PLAGL1: variants seen among roughly 807,000 people sequenced by gnomAD.
PLAGL1 encodes the protein zinc finger protein PLAGL1.
A neutral mutation model predicts 4.6 loss-of-function variants in PLAGL1; 1 was observed. The ratio of observed to expected loss-of-function variants is 0.22; its 90% CI spans 0.08 to 1.03. The LOEUF is 1.03. Ranked by LOEUF, PLAGL1 falls within the 50% of genes least tolerant of loss-of-function variation. The probability of loss-of-function intolerance (pLI) is 0.58; values close to 1 mark genes in which losing one functional copy is unlikely to be tolerated. For synonymous variants in PLAGL1, 240 were observed against 237.8 expected (o/e 1.01, Z -0.08); for missense variants, 464 against 570.4 (o/e 0.81, Z 1.90).
At position 144,048,200 on chromosome 6, in the gene PLAGL1, C is replaced by G. The variant is rs764072828; in HGVS notation, c.-151+16268G>C. Among the ~76,000 whole-genome samples, 1 of 152,204 alleles carries G rather than the reference C, an allele frequency of 6.6e-6. No individual in the cohort carries two copies. The highest frequency in any genetic ancestry group is 1.5e-5 in the Non-Finnish European group (1 of 68,040). On this transcript the variant is annotated intron_variant, in intron 1 of 3. Coordinates refer to the PLAGL1 transcript ENST00000437412. The surrounding 1 kb of genome is among the most constrained non-coding windows in gnomAD (Gnocchi z 4.8). ...GCCTCTGTGGCTTTGCAGGGTACGG[C>G]CTCCCTCTTGGCTGCTTTCATGGGC...
chr6:144,044,759 T>C (rs1797999461), intron 1 of PLAGL1, among the ~76,000 whole-genome samples: 1 of 152,178 alleles, frequency 6.6e-6, no homozygotes, highest in Non-Finnish European at 1.5e-5. Flanking sequence ...CTGTCTAATA[T>C]TGACAGTGCG....
At chr6:144,011,059 A>G (rs1378401093), upstream of PLAGL1, among the ~76,000 whole-genome samples, 2 of 152,324 alleles carry the variant, frequency 1.3e-5, no homozygotes, top group Middle Eastern at 3.4e-3. This position sits in a 1 kb window ranked among gnomAD's most constrained non-coding sequence, Gnocchi z 4.3. Context: ...AGAGTTCATA[A>G]CTAAAACACC....
chr6:144,003,372 C>T (rs1287284757), intron 1 of PLAGL1, among the ~76,000 whole-genome samples: 1 of 152,086 alleles, frequency 6.6e-6, no homozygotes, highest in Non-Finnish European at 1.5e-5. Flanking sequence ...CACCTGTAAT[C>T]CCAGCACTTT....
At chr6:144,014,015 C>T (rs1026205631) in intron 1 of PLAGL1, among the ~76,000 whole-genome samples, 1 of 151,954 alleles carries the variant, frequency 6.6e-6, no homozygotes, top group East Asian at 1.9e-4. Context: ...CAAGCTGATT[C>T]TAAACTTTAT....
intron 2 of PLAGL1, among the ~76,000 whole-genome samples, chr6:143,969,956 C>T (rs995749703): frequency 2.6e-5 from 4 of 152,074 alleles, no homozygotes; most frequent in African/African-American, 9.7e-5. Flanking sequence ...AAAATGTTTA[C>T]AGACTGAAAA....
At chr6:144,042,099 C>T (rs1797787406) in intron 1 of PLAGL1, among the ~76,000 whole-genome samples, 1 of 152,108 alleles carries the variant, frequency 6.6e-6, no homozygotes, top group Non-Finnish European at 1.5e-5. Context: ...GGGTAGATTG[C>T]AAAAATTTTC....
At position 143,961,746 on chromosome 6, in the gene PLAGL1, A is replaced by T. The variant is rs1039682830; in HGVS notation, c.-398-1204T>A. On this transcript the variant is annotated intron_variant, in intron 5 of 7. Transcript: ENST00000674357. This position sits in a 1 kb window ranked among gnomAD's most constrained non-coding sequence, Gnocchi z 6.5. ...AGGCTTGTATAAAATTTTTTTTGAAAGAGCTTTAAAAAGACATTAAAGCAA... is the reference window on the plus strand; with the variant it reads ...AGGCTTGTATAAAATTTTTTTTGAATGAGCTTTAAAAAGACATTAAAGCAA... Among the ~76,000 whole-genome samples, 9 of 152,180 alleles carry T rather than the reference A, an allele frequency of 5.9e-5. No individual in the cohort carries two copies.
chr6:144,021,946 T>C (rs1449383963), intron 1 of PLAGL1, among the ~76,000 whole-genome samples: 3 of 152,132 alleles, frequency 2.0e-5, no homozygotes, highest in Non-Finnish European at 4.4e-5. Context: ...ATTTTATAGA[T>C]GAGGCAACCC....
rs1785539946 is a variant in PLAGL1, at chr6:143,972,158, T to A, written c.-543-3180A>T. 6.6e-6 allele frequency among the ~76,000 whole-genome samples: 1 copy of A among 152,262 alleles called. No individual in the cohort carries two copies. The highest frequency in any genetic ancestry group is 2.1e-4 in the South Asian group (1 of 4,832). Reference sequence around the variant, plus strand: ...TGATAAGTAATTACTTTCAAAGGAATGTAGACAGAGCCATCAATCCCCATT... The same window carrying A: ...TGATAAGTAATTACTTTCAAAGGAAAGTAGACAGAGCCATCAATCCCCATT... On this transcript the variant is annotated intron_variant, in intron 2 of 7. Coordinates refer to ENST00000674357, the MANE Select transcript of PLAGL1 (RefSeq NM_001317162.2). The surrounding 1 kb of genome is among the most constrained non-coding windows in gnomAD (Gnocchi z 6.8).
chr6:143,942,616 C>T lies in PLAGL1; in HGVS notation c.200G>A (p.Cys67Tyr). 1 of 1,614,078 alleles carries T rather than the reference C, an allele frequency of 6.2e-7. No homozygotes were observed. Among genetic ancestry groups the T allele is most frequent in the Non-Finnish European group, 8.5e-7 (1 of 1,180,002 alleles). The stretch of plus-strand genomic sequence containing the variant: ...GTCTTTCCGGTTGAACGTCTTCTCA[C>T]AGTGAGCACACTGGTGAGATTTCTG... ...SPQKSHQCAH[C>Y]EKTFNRKDHL... Residue 67 changes from cysteine to tyrosine, a missense_variant, in exon 8 of 8, where the codon TGT (cysteine) becomes TAT (tyrosine). By Grantham distance (194) the Cys-to-Tyr change is radical. Transcript: ENST00000674357. This position sits in a 1 kb window ranked among gnomAD's most constrained non-coding sequence, Gnocchi z 7.6.
rs1178588552 is a variant in PLAGL1, at chr6:143,990,250, A to G, written c.-583-5076T>C. 6.6e-6 allele frequency among the ~76,000 whole-genome samples: 1 copy of G among 151,992 alleles called. No individual in the cohort carries two copies. Among genetic ancestry groups the G allele is most frequent in the African/African-American group, 2.4e-5 (1 of 41,340 alleles). On this transcript the variant is annotated intron_variant, in intron 1 of 7. Transcript: ENST00000674357. This position sits in a 1 kb window ranked among gnomAD's most constrained non-coding sequence, Gnocchi z 5.4. ...ATTATCTTGCTTCAGCTTCCCAAGT[A>G]GCTGGGATTACAGGCATGTGCCACC...
chr6:143,941,375 G>T lies in PLAGL1; in HGVS notation c.*49C>A. ...TCATATTGTAACTGACATTTAAAAT[G>T]CTTCTTAAAACATCTTCCAGAATAC... On this transcript the variant is annotated 3_prime_UTR_variant, in exon 8 of 8. Coordinates refer to ENST00000674357, the MANE Select transcript of PLAGL1 (RefSeq NM_001317162.2). This position sits in a 1 kb window ranked among gnomAD's most constrained non-coding sequence, Gnocchi z 6.0. 7.2e-7 allele frequency: 1 copy of T among 1,387,462 alleles called. No homozygotes were observed. 85.9% of individuals were successfully genotyped at this position (1,387,462 alleles called of 1,614,324 possible). A position where few individuals can be genotyped will look rare whatever the true frequency, so the allele number is the denominator to read the frequency against.
upstream of PLAGL1, among the ~76,000 whole-genome samples, chr6:144,010,252 A>T (rs932419212): frequency 6.6e-5 from 10 of 151,632 alleles, no homozygotes; most frequent in Admixed American, 2.6e-4. The surrounding 1 kb of genome is among the most constrained non-coding windows in gnomAD (Gnocchi z 4.1). Context: ...ACTTCAGCAA[A>T]GTCTCAGGAT....
chr6:144,034,869 C>T lies in PLAGL1; in HGVS notation c.-151+29599G>A, dbSNP rs1262584013. Among the ~76,000 whole-genome samples the T allele has an allele frequency of 6.6e-6, 1 of 152,162 alleles. No individual in the cohort carries two copies. The highest frequency in any genetic ancestry group is 2.1e-4 in the South Asian group (1 of 4,826). On this transcript the variant is annotated intron_variant, in intron 1 of 3. Coordinates refer to the PLAGL1 transcript ENST00000437412. The surrounding 1 kb of genome is among the most constrained non-coding windows in gnomAD (Gnocchi z 4.7). ...GCTTTGTTTAACATCACTGAGTAGA[C>T]TAATACTCCTCCCAGAGCCTGATCT...
chr6:143,950,642 C>T lies in PLAGL1; in HGVS notation c.-324-2182G>A, dbSNP rs141441980. ...TAGCTGAACTCAAAATAGCACTCGTCCCACTCGCCCCTTCAGAGAAGGAGC... is the reference window on the plus strand; with the variant it reads ...TAGCTGAACTCAAAATAGCACTCGTTCCACTCGCCCCTTCAGAGAAGGAGC... On this transcript the variant is annotated intron_variant, in intron 6 of 7. Transcript: ENST00000674357. This position sits in a 1 kb window ranked among gnomAD's most constrained non-coding sequence, Gnocchi z 6.3. Among the ~76,000 whole-genome samples, 1 of 152,312 alleles carries T rather than the reference C, an allele frequency of 6.6e-6. No individual in the cohort carries two copies. The highest frequency in any genetic ancestry group is 1.9e-4 in the East Asian group (1 of 5,192).
intron 7 of PLAGL1, among the ~76,000 whole-genome samples, chr6:143,946,037 G>A (rs1011865728): frequency 1.4e-5 from 2 of 139,724 alleles, no homozygotes; most frequent in African/African-American, 2.5e-5. Flanking sequence ...ATTATTTCTC[G>A]GAACATGCGG....
chr6:144,029,194 T>C (rs1220375859), intron 1 of PLAGL1, among the ~76,000 whole-genome samples: 1 of 152,222 alleles, frequency 6.6e-6, no homozygotes, highest in African/African-American at 2.4e-5. Flanking sequence ...ATGAACATCT[T>C]TACATATAAA....
chr6:143,985,088 C>T lies in PLAGL1; in HGVS notation c.-544+47G>A, dbSNP rs1208378124. ...ACCATTATCAAGTTATTAGAGAAGA[C>T]AAGGTATTGGGGGAAGAGGATAAAA... is the stretch of plus-strand genomic sequence containing the variant. On this transcript the variant is annotated intron_variant, in intron 2 of 7. Coordinates refer to ENST00000674357, the MANE Select transcript of PLAGL1 (RefSeq NM_001317162.2). The surrounding 1 kb of genome is among the most constrained non-coding windows in gnomAD (Gnocchi z 4.4). 1.3e-5 allele frequency: 2 copies of T among 152,110 alleles called. No homozygotes were observed. Among genetic ancestry groups the T allele is most frequent in the East Asian group, 1.9e-4 (1 of 5,194 alleles). The allele number at this position is 152,110 out of a possible 1,614,324, so 9.4% of individuals were successfully genotyped here.
Position 143,941,626 on chromosome 6 carries a change from G to A in PLAGL1, c.1190C>T (p.Thr397Ile). ...WQLPPPATQN[T>I]FGNSTLALGP... ...CAGGGCAAGAGTGCTATTCCCAAAG[G>A]TATTTTGGGTAGCAGGAGGGGGCAG... is the stretch of plus-strand genomic sequence containing the variant. The change falls in exon 8 of 8, where the codon ACC (threonine) becomes ATC (isoleucine). Residue 397 changes from threonine to isoleucine, a missense_variant. Coordinates refer to ENST00000674357, the MANE Select transcript of PLAGL1 (RefSeq NM_001317162.2). This position sits in a 1 kb window ranked among gnomAD's most constrained non-coding sequence, Gnocchi z 6.0. The A allele has an allele frequency of 6.2e-7, 1 of 1,614,012 alleles. No homozygotes were observed. Among genetic ancestry groups the A allele is most frequent in the South Asian group, 1.1e-5 (1 of 91,078 alleles).
Sources: allele counts gnomAD v4.1 joint callset (sites outside exome capture counted in the v4.1 genomes callset), GRCh38; gene constraint gnomAD v4.1.1; non-coding constraint Gnocchi (gnomAD v3.1); transcripts MANE v1.5; gene names NCBI Gene and HGNC (gene_info 2026-07-23, HGNC 2026-07-21).